FAM185A: variants seen among roughly 807,000 people sequenced by gnomAD.
FAM185A encodes the protein protein FAM185A.
A neutral mutation model predicts 45.7 loss-of-function variants in FAM185A; 21 were observed. The ratio of observed to expected loss-of-function variants is 0.46; its 90% confidence interval spans 0.33 to 0.66. FAM185A has a LOEUF of 0.66. FAM185A is among the 30% of genes least tolerant of loss of function. The pLI is 0.03. For missense variants in FAM185A, 305 were observed against 485.4 expected (o/e 0.63, Z 3.49); for synonymous variants, 117 against 194.0 (o/e 0.60, Z 3.30).
At chr7:102,768,465 A>G (rs1794544831) in intron 4 of FAM185A, among the ~76,000 whole-genome samples, 1 of 104,590 alleles carries the variant, frequency 9.6e-6, no homozygotes, top group African/African-American at 3.4e-5. Context: ...TCAAGAACAA[A>G]GATTATGTTT....
At chr7:102,819,211 C>CATA in the FAM185A span, among the ~76,000 whole-genome samples, 1 of 152,124 alleles carries the variant, frequency 6.6e-6, no homozygotes, top group Non-Finnish European at 1.5e-5. Flanking sequence ...CACAGAGGGC[C>CATA]ATAAGTTGAA....
chr7:102,755,652 G>A, intron 2 of FAM185A: 2 of 588,134 alleles, frequency 3.4e-6, no homozygotes, highest in South Asian at 3.5e-5. Flanking sequence ...TTTCCTGCCT[G>A]TCCTGTGTCA....
chr7:102,773,003 T>C (rs1459516453), intron 5 of FAM185A, among the ~76,000 whole-genome samples: 1 of 151,690 alleles, frequency 6.6e-6, no homozygotes, highest in African/African-American at 2.4e-5. Flanking sequence ...AATTTTAGTT[T>C]GTGGTAAGTA....
intron 4 of FAM185A, among the ~76,000 whole-genome samples, chr7:102,765,125 C>T (rs577011604): frequency 6.6e-6 from 1 of 152,252 alleles, no homozygotes; most frequent in South Asian, 2.1e-4. Context: ...AGTTTCTTGG[C>T]TTTCTAGGAG....
At chr7:102,850,383 A>G in the FAM185A span, among the ~76,000 whole-genome samples, 1,560 of 152,288 alleles carry the variant, frequency 0.01, 23 homozygotes, top group African/African-American at 0.035. Context: ...TTAAGAGGCT[A>G]TGTCATCACC....
chr7:102,831,431 A>ACACACCCCCCCC, the FAM185A span, among the ~76,000 whole-genome samples: 5 of 147,236 alleles, frequency 3.4e-5, no homozygotes, highest in African/African-American at 1.2e-4. Context: ...ACACACACAC[A>ACACACCCCCCCC]CCCCACTACA....
rs187372487 is a variant in FAM185A at position 102,799,810 on chromosome 7, A to C, written c.1067-8480A>C. On this transcript the variant is annotated intron_variant, in intron 7 of 7. Transcript: ENST00000413034. ...ACACTTGAACTCTCAGATGGCTTAT[A>C]GGTAAGGGTTTTTAAAGGTGGAGAG... 5.1e-3 allele frequency among the ~76,000 whole-genome samples: 782 copies of C among 152,254 alleles called. 3 individuals carry two copies. Among genetic ancestry groups the C allele is most frequent in the Non-Finnish European group, 8.9e-3 (602 of 68,022 alleles).
the FAM185A span, among the ~76,000 whole-genome samples, chr7:102,844,582 G>T: frequency 6.6e-6 from 1 of 152,070 alleles, no homozygotes; most frequent in South Asian, 2.1e-4. Context: ...TAAAAAAACT[G>T]TTTTTTTCTC....
chr7:102,835,603 G>GTTTTTTTTTT, the FAM185A span, among the ~76,000 whole-genome samples: 3 of 97,512 alleles, frequency 3.1e-5, no homozygotes, highest in African/African-American at 8.2e-5. Flanking sequence ...AGGTGACATT[G>GTTTTTTTTTT]TTTTTTTTTT....
At chr7:102,779,293 C>T (rs1795265758) in intron 6 of FAM185A, among the ~76,000 whole-genome samples, 1 of 152,112 alleles carries the variant, frequency 6.6e-6, no homozygotes, top group Admixed American at 6.5e-5. Flanking sequence ...GTTTTCAAGT[C>T]ATGAAAATTC....
intron 6 of FAM185A, among the ~76,000 whole-genome samples, chr7:102,781,759 C>T (rs1191205121): frequency 6.6e-6 from 1 of 152,310 alleles, no homozygotes; most frequent in East Asian, 1.9e-4. Flanking sequence ...ACCTCTCCTC[C>T]TCTAGAGGAA....
At chr7:102,788,159 G>A (rs942058915) in intron 7 of FAM185A, among the ~76,000 whole-genome samples, 1 of 152,088 alleles carries the variant, frequency 6.6e-6, no homozygotes, top group Non-Finnish European at 1.5e-5. Flanking sequence ...AATAGAGACA[G>A]GGTTTTACCA....
the FAM185A span, among the ~76,000 whole-genome samples, chr7:102,849,559 G>T: frequency 6.6e-6 from 1 of 152,172 alleles, no homozygotes; most frequent in Non-Finnish European, 1.5e-5. Flanking sequence ...TCTAAGTAAC[G>T]AGAGAGCATT....
intron 6 of FAM185A, among the ~76,000 whole-genome samples, chr7:102,785,983 A>C (rs2129441221): frequency 6.6e-6 from 1 of 152,350 alleles, no homozygotes; most frequent in African/African-American, 2.4e-5. Flanking sequence ...CAAATTTACA[A>C]GAAAAAAACA....
chr7:102,803,242 A>T (rs80313245), intron 7 of FAM185A, among the ~76,000 whole-genome samples: 13 of 152,056 alleles, frequency 8.5e-5, no homozygotes, highest in African/African-American at 3.1e-4. Context: ...AGAAAACTAC[A>T]GGCTGATATC....
intron 7 of FAM185A, among the ~76,000 whole-genome samples, chr7:102,793,316 G>A (rs1275066401): frequency 8.6e-5 from 13 of 152,012 alleles, no homozygotes; most frequent in Non-Finnish European, 2.9e-5. Context: ...GGTTCCAGGG[G>A]TTCTTCTGCC....
At chr7:102,840,243 A>C in the FAM185A span, among the ~76,000 whole-genome samples, 1,656 of 152,350 alleles carry the variant, frequency 0.011, 36 homozygotes, top group African/African-American at 0.038. Context: ...TTATTGAGAA[A>C]AATTTTAGAA....
chr7:102,766,164 C>T (rs1290982478), intron 4 of FAM185A, among the ~76,000 whole-genome samples: 59 of 152,370 alleles, frequency 3.9e-4, no homozygotes, highest in Admixed American at 1.6e-3. Flanking sequence ...CAAACTGATT[C>T]GATTAAGATG....
chr7:102,750,189 G>A (rs1451548199), intron 1 of FAM185A, among the ~76,000 whole-genome samples: 2 of 152,124 alleles, frequency 1.3e-5, no homozygotes, highest in African/African-American at 4.8e-5. Flanking sequence ...AAGCTTTGAA[G>A]AAAAACACAT....
Sources: allele counts gnomAD v4.1 joint callset (sites outside exome capture counted in the v4.1 genomes callset), GRCh38; gene constraint gnomAD v4.1.1; transcripts MANE v1.5; gene names NCBI Gene and HGNC (gene_info 2026-07-23, HGNC 2026-07-21).